The following AWAT2 variants were observed in gnomAD, a reference collection of about 807,000 sequenced individuals.
AWAT2 encodes acyl-CoA wax alcohol acyltransferase 2.
A neutral mutation model predicts 22.3 loss-of-function variants in AWAT2; 9 were observed. The observed-to-expected ratio is 0.40, with a 90% CI of 0.24 to 0.70. The LOEUF (loss-of-function observed/expected upper bound fraction) is 0.70. Ranked by LOEUF, AWAT2 falls within the 30% of genes least tolerant of loss-of-function variation. The probability of loss-of-function intolerance (pLI) is 0.36; values close to 1 mark genes in which losing one functional copy is unlikely to be tolerated. For synonymous variants in AWAT2, 100 were observed against 93.4 expected, an observed-to-expected ratio of 1.07 and a Z score of -0.40; for missense variants, 217 against 265.9, an observed-to-expected ratio of 0.82 and a Z score of 1.28.
chrX:70,043,811 C>G, intron 3 of AWAT2, 115 bp downstream of exon 3: 1 of 989,798 alleles, frequency 1.0e-6, no homozygotes, highest in Admixed American at 2.9e-5. Context: ...CTCCAGGGGG[C>G]GTCATTCTCA....
At chrX:70,047,385 C>A (rs1355220281) in intron 1 of AWAT2, among the ~76,000 whole-genome samples, 1 of 112,271 alleles carries the variant, frequency 8.9e-6, no homozygotes, top group Non-Finnish European at 1.9e-5. Context: ...TGATAAGTGC[C>A]ATATGACACT....
chrX:70,044,217 C>T lies in AWAT2; in HGVS notation c.196+135G>A. The T allele has an allele frequency of 2.1e-5, 23 of 1,084,920 alleles. No individual in the cohort carries two copies. The South Asian group carries it at 5.2e-4, about 25-fold the overall frequency. 89.4% of individuals were successfully genotyped at this position (1,084,920 alleles called of 1,213,427 possible). A position where few individuals can be genotyped will look rare whatever the true frequency, so the allele number is the denominator to read the frequency against. On this transcript the variant is annotated intron_variant, in intron 2 of 7. Coordinates refer to ENST00000276101, the MANE Select transcript of AWAT2 (RefSeq NM_001002254.1). ...TTCTACCACCTTAAAAGGACCCCTTCCCTCAGCCTCTCTAGCCCAGGGAGG... is the reference window on the plus strand; with the variant it reads ...TTCTACCACCTTAAAAGGACCCCTTTCCTCAGCCTCTCTAGCCCAGGGAGG...
chrX:70,045,376 T>C (rs1377851455), intron 1 of AWAT2, among the ~76,000 whole-genome samples: 1 of 111,469 alleles, frequency 9.0e-6, no homozygotes. Flanking sequence ...ACAAAAAAAT[T>C]AAAATCTAGT....
rs113670041 is a variant in AWAT2 at position 70,045,176 on chromosome X, T to C, written c.86-714A>G. On this transcript the variant is annotated intron_variant, in intron 1 of 7. Transcript: ENST00000276101. ...GACAGAGAACATTTCTAATTGAACA[T>C]TGCAGATTGAACACAAGGTTTTGCC... 8.2e-3 allele frequency among the ~76,000 whole-genome samples: 918 copies of C among 112,382 alleles called. 8 individuals are homozygous for C. Among genetic ancestry groups the C allele is most frequent in the African/African-American group, 0.027 (841 of 30,992 alleles).
In AWAT2 at chrX:70,042,389, G is replaced by A. The variant is rs1338985540; in HGVS notation, c.648-3C>T. The A allele has an allele frequency of 3.3e-6, 4 of 1,209,367 alleles. No individual in the cohort carries two copies. In the South Asian group the frequency reaches 5.3e-5, roughly 16 times the overall value. On this transcript the variant is annotated splice_region_variant and splice_polypyrimidine_tract_variant and intron_variant, in intron 5 of 7. Coordinates refer to ENST00000276101, the MANE Select transcript of AWAT2 (RefSeq NM_001002254.1). ...CATAGGCAGGTATTAGAGGCACCCT[G>A]CAGAGCAAAAGCATATCTTCTGAAG...
chrX:70,047,386 A>G (rs1360015524), intron 1 of AWAT2, among the ~76,000 whole-genome samples: 3 of 112,491 alleles, frequency 2.7e-5, no homozygotes, highest in Non-Finnish European at 3.8e-5. Context: ...GATAAGTGCC[A>G]TATGACACTA....
intron 2 of AWAT2, 78 bp from the exon 3 acceptor site, chrX:70,044,074 G>A: frequency 2.8e-6 from 3 of 1,056,577 alleles, no homozygotes; most frequent in Non-Finnish European, 3.8e-6. Context: ...ACCCCCTGCT[G>A]TTTCCTGGCC....
At position 70,043,084 on chromosome X, in the gene AWAT2, A is replaced by G. The variant is rs749647188; in HGVS notation, c.632T>C (p.Met211Thr). 28 of 1,190,257 alleles carry G rather than the reference A, an allele frequency of 2.4e-5. No individual in the cohort carries two copies. Among genetic ancestry groups the G allele is most frequent in the Non-Finnish European group, 3.0e-5 (27 of 885,429 alleles). The change falls in exon 5 of 8, where the codon ATG becomes ACG. Residue 211 changes from methionine to threonine, a missense_variant. Transcript: ENST00000276101. ...CTGTCCTTACCCATGCTGAAGGGCCATGCGCACAAAGCCAGACCGGTTCTT... is the reference window on the plus strand; with the variant it reads ...CTGTCCTTACCCATGCTGAAGGGCCGTGCGCACAAAGCCAGACCGGTTCTT... Reference protein sequence around the residue: ...VLKNRSGFVRMALQHGVPLIP... With the variant: ...VLKNRSGFVRTALQHGVPLIP...
chrX:70,049,725 C>T, intron 1 of AWAT2, 123 bp downstream of exon 1: 3 of 881,362 alleles, frequency 3.4e-6, no homozygotes, highest in Admixed American at 5.5e-5. Context: ...GCTGGTGTTA[C>T]CAACCTTCCT....
At position 70,044,344 on chromosome X, in the gene AWAT2, A is replaced by T. The variant is rs750289991; in HGVS notation, c.196+8T>A. 27 of 1,208,502 alleles carry T rather than the reference A, an allele frequency of 2.2e-5. No individual in the cohort carries two copies. Among genetic ancestry groups the T allele is most frequent in the Non-Finnish European group, 3.0e-5 (27 of 894,439 alleles). On this transcript the variant is annotated splice_region_variant and intron_variant, in intron 2 of 7. Transcript: ENST00000276101. ...CATGTGGCAACACAGCACCAGCAGG[A>T]TGCTTACCTCGCTGAGGGGTCTTCC...
Position 70,040,942 on chromosome X carries a change from C to A in AWAT2, c.*716G>T, listed in dbSNP as rs755206352. 196 of 111,916 alleles carry A rather than the reference C, an allele frequency of 1.8e-3. 2 individuals carry two copies. Among genetic ancestry groups the A allele is most frequent in the African/African-American group, 6.1e-3 (189 of 30,832 alleles). 9.2% of individuals were successfully genotyped at this position (111,916 alleles called of 1,213,427 possible). A position where few individuals can be genotyped will look rare whatever the true frequency, so the allele number is the denominator to read the frequency against. ...CTGAGCAGGCTGGCTGACTCTCAAA[C>A]AAAGGCCAGAATTATAGGGCCACAC... On this transcript the variant is annotated 3_prime_UTR_variant, in exon 8 of 8. Coordinates refer to ENST00000276101, the MANE Select transcript of AWAT2 (RefSeq NM_001002254.1).
Position 70,041,970 on chromosome X carries a change from G to C in AWAT2, c.848-8C>G. 20 of 1,208,780 alleles carry C rather than the reference G, an allele frequency of 1.7e-5. No homozygotes were observed. The highest frequency in any genetic ancestry group is 2.2e-5 in the Non-Finnish European group (20 of 893,282). ...TTGGTAGAGGCTCCCCGACTGCCAG[G>C]GGAGACAGTGAAGGAAAAGGGAAAA... On this transcript the variant is annotated splice_polypyrimidine_tract_variant and splice_region_variant and intron_variant, in intron 6 of 7. Transcript: ENST00000276101.
chrX:70,043,114 A>G lies in AWAT2; in HGVS notation c.602T>C (p.Val201Ala), dbSNP rs758182869. 2 of 1,197,715 alleles carry G rather than the reference A, an allele frequency of 1.7e-6. No individual in the cohort carries two copies. The highest frequency in any genetic ancestry group is 1.1e-6 in the Non-Finnish European group (1 of 888,266). The change falls in exon 5 of 8, where the codon GTG (valine) becomes GCG (alanine). Residue 201 changes from valine to alanine, a missense_variant. Coordinates refer to ENST00000276101, the MANE Select transcript of AWAT2 (RefSeq NM_001002254.1). The stretch of plus-strand genomic sequence containing the variant: ...CACAAAGCCAGACCGGTTCTTCAAC[A>G]CCAGGGTAGAAGAACCTGGCAGGCT... ...RYSLPGSSTLVLKNRSGFVRM... is the reference protein window; with the variant it reads ...RYSLPGSSTLALKNRSGFVRM...
chrX:70,042,985 G>C lies in AWAT2; in HGVS notation c.647+84C>G, dbSNP rs1287759713. The C allele has an allele frequency of 5.8e-6, 5 of 857,792 alleles. No homozygotes were observed. In the African/African-American group the frequency reaches 1.3e-4, roughly 22 times the overall value. 70.7% of individuals were successfully genotyped at this position (857,792 alleles called of 1,213,427 possible). On this transcript the variant is annotated intron_variant, in intron 5 of 7. Coordinates refer to ENST00000276101, the MANE Select transcript of AWAT2 (RefSeq NM_001002254.1). ...TATACTTCCTCCTCTCTCTGTGGATGTCCTTTCATCAAAACCCCCTCTTCT... is the reference window on the plus strand; with the variant it reads ...TATACTTCCTCCTCTCTCTGTGGATCTCCTTTCATCAAAACCCCCTCTTCT...
chrX:70,048,676 G>A (rs896386183), intron 1 of AWAT2, among the ~76,000 whole-genome samples: 1 of 112,029 alleles, frequency 8.9e-6, no homozygotes, highest in East Asian at 2.8e-4. Flanking sequence ...AATTAAGGAC[G>A]TTCAAAATGA....
At chrX:70,044,579 AAC>A (rs1272077825) in intron 1 of AWAT2, 117 bp from the exon 2 acceptor site, 1 of 1,064,847 alleles carries the variant, frequency 9.4e-7, no homozygotes, top group African/African-American at 1.9e-5. Context: ...ATACCCACTC[AAC>A]ACTCTCACTT....
intron 5 of AWAT2, 133 bp from the exon 6 acceptor site, chrX:70,042,519 C>G (rs2020334920): frequency 9.3e-6 from 6 of 642,604 alleles, no homozygotes; most frequent in Non-Finnish European, 1.5e-5. Flanking sequence ...TGCCTAGGTC[C>G]AAGTTGAGTG....
At chrX:70,042,921 CTT>C in intron 5 of AWAT2, 146 bp downstream of exon 5, 1 of 454,285 alleles carries the variant, frequency 2.2e-6, no homozygotes, top group Non-Finnish European at 3.4e-6. Context: ...ACAAATAAAA[CTT>C]ATCTTTCTGA....
At position 70,042,484 on chromosome X, in the gene AWAT2, G is replaced by A. The variant is rs778571114; in HGVS notation, c.648-98C>T. The A allele has an allele frequency of 1.6e-5, 14 of 858,485 alleles. No individual in the cohort carries two copies. In the South Asian group the frequency reaches 3.0e-4, roughly 18 times the overall value. 70.7% of individuals were successfully genotyped at this position (858,485 alleles called of 1,213,427 possible). On this transcript the variant is annotated intron_variant, in intron 5 of 7. Coordinates refer to ENST00000276101, the MANE Select transcript of AWAT2 (RefSeq NM_001002254.1). The stretch of plus-strand genomic sequence containing the variant: ...CGCATGATCCCTGGGTCTGCCTACA[G>A]GCTTCTCAGACCCCAGTCCAGCTGT...
Sources: allele counts gnomAD v4.1 joint callset (sites outside exome capture counted in the v4.1 genomes callset), GRCh38; gene constraint gnomAD v4.1.1; transcripts MANE v1.5; gene names NCBI Gene and HGNC (gene_info 2026-07-23, HGNC 2026-07-21).